The following FAM204A variants were observed in gnomAD, a reference collection of about 807,000 sequenced individuals.
FAM204A encodes family with sequence similarity 204 member A, also known as protein FAM204A.
Under a neutral mutation model 35.4 loss-of-function variants are expected in FAM204A, and 16 were observed. The ratio of observed to expected loss-of-function variants is 0.45; its 90% CI spans 0.31 to 0.69. FAM204A has a LOEUF of 0.69. FAM204A is among the 30% of genes least tolerant of loss of function. The pLI, the probability that FAM204A is intolerant of heterozygous loss-of-function variation, is 0.07. For missense variants in FAM204A, 240 were observed against 265.7 expected (o/e 0.90, Z 0.67); for synonymous variants, 76 against 86.9 (o/e 0.88, Z 0.70).
intron 7 of FAM204A, among the ~76,000 whole-genome samples, chr10:118,312,400 T>C (rs1178810602): frequency 6.6e-6 from 1 of 152,170 alleles, no homozygotes; most frequent in East Asian, 1.9e-4. Context: ...TAGTAAGGCA[T>C]GGCAGGAGGT....
At position 118,305,332 on chromosome 10, in the gene FAM204A, G is replaced by A. The variant is rs1455013122; in HGVS notation, c.*5525C>T. On this transcript the variant is annotated 3_prime_UTR_variant, in exon 9 of 9. Transcript: ENST00000369183. ...TGTGGCCCACCCAAGCTAAAATAAA[G>A]GACACGTTAATGCAGTCTAAGAAAA... The A allele has an allele frequency of 6.6e-6, 1 of 152,188 alleles. No individual in the cohort carries two copies. The highest frequency in any genetic ancestry group is 1.5e-5 in the Non-Finnish European group (1 of 68,036). The allele number at this position is 152,188 out of a possible 1,614,324, so 9.4% of individuals were successfully genotyped here.
chr10:118,335,452 T>C, intron 4 of FAM204A, 26 bp from the exon 5 acceptor site: 2 of 1,599,204 alleles, frequency 1.3e-6, no homozygotes, highest in Non-Finnish European at 1.7e-6. Context: ...AAAGTGTCAA[T>C]ACCTAACTTC....
chr10:118,313,244 T>C (rs1407307514), intron 7 of FAM204A, among the ~76,000 whole-genome samples: 1 of 152,146 alleles, frequency 6.6e-6, no homozygotes, highest in Admixed American at 6.5e-5. Flanking sequence ...ACTAGCTAAC[T>C]TCTATTTCTT....
intron 7 of FAM204A, among the ~76,000 whole-genome samples, chr10:118,312,518 C>T (rs578064549): frequency 1.3e-5 from 2 of 152,218 alleles, no homozygotes; most frequent in Admixed American, 1.3e-4. Flanking sequence ...AGGATGAAAT[C>T]GACAAGTAGT....
intron 7 of FAM204A, among the ~76,000 whole-genome samples, chr10:118,320,862 G>A (rs1451737830): frequency 6.7e-6 from 1 of 149,972 alleles, no homozygotes; most frequent in African/African-American, 2.4e-5. Context: ...CACACTAACA[G>A]TCTTATTTTG....
At chr10:118,342,083 G>A (rs1010109820) in intron 1 of FAM204A, 156 bp from the exon 2 acceptor site, 1 of 152,374 alleles carries the variant, frequency 6.6e-6, no homozygotes, top group Non-Finnish European at 1.5e-5. Context: ...GGAAGGCTGA[G>A]GGCGGCCCCG....
In FAM204A at chr10:118,310,594, C is replaced by A; in HGVS notation, c.*263G>T. ...ATTTTATACCAAGGGTCCATCCATA[C>A]AAATAAACAAAATCCTATCCTCTTC... On this transcript the variant is annotated 3_prime_UTR_variant, in exon 9 of 9. Coordinates refer to ENST00000369183, the MANE Select transcript of FAM204A (RefSeq NM_022063.3). 2.4e-6 allele frequency: 1 copy of A among 412,272 alleles called. No individual in the cohort carries two copies. The highest frequency in any genetic ancestry group is 4.2e-6 in the Non-Finnish European group (1 of 236,060). 25.5% of individuals were successfully genotyped at this position (412,272 alleles called of 1,614,324 possible).
rs1845775055 is a variant in FAM204A at position 118,298,664 on chromosome 10, C to T, written c.*12193G>A. The T allele has an allele frequency of 6.6e-6, 1 of 152,178 alleles. No individual in the cohort carries two copies. Among genetic ancestry groups the T allele is most frequent in the African/African-American group, 2.4e-5 (1 of 41,438 alleles). 9.4% of individuals were successfully genotyped at this position (152,178 alleles called of 1,614,324 possible). ...GTCGTAGCAGAGGACAGACATTTTA[C>T]AATGTACAGAGATTATTGTTACGTC... On this transcript the variant is annotated 3_prime_UTR_variant, in exon 9 of 9. Transcript: ENST00000369183.
chr10:118,313,532 C>A (rs1380892647), intron 7 of FAM204A, among the ~76,000 whole-genome samples: 1 of 152,206 alleles, frequency 6.6e-6, no homozygotes, highest in African/African-American at 2.4e-5. Context: ...CTCTCTTCTG[C>A]TGTAAATCAT....
intron 7 of FAM204A, among the ~76,000 whole-genome samples, chr10:118,325,187 A>G (rs1218443751): frequency 6.6e-6 from 1 of 152,174 alleles, no homozygotes; most frequent in Non-Finnish European, 1.5e-5. Flanking sequence ...AGACAAAACG[A>G]AAAACGCAAA....
intron 2 of FAM204A, among the ~76,000 whole-genome samples, chr10:118,337,076 C>T (rs1846400415): frequency 6.6e-6 from 1 of 152,046 alleles, no homozygotes; most frequent in African/African-American, 2.4e-5. Context: ...AGTAACAATA[C>T]TATATTTGGG....
At chr10:118,327,608 G>A (rs1408386681) in intron 6 of FAM204A, among the ~76,000 whole-genome samples, 1 of 152,254 alleles carries the variant, frequency 6.6e-6, no homozygotes, top group East Asian at 1.9e-4. Flanking sequence ...CTCTTCTCCT[G>A]ATGGTCCAAA....
chr10:118,306,517 A>G lies in FAM204A; in HGVS notation c.*4340T>C, dbSNP rs773460294. The G allele has an allele frequency of 2.9e-4, 44 of 152,268 alleles. No homozygotes were observed. Among genetic ancestry groups the G allele is most frequent in the Non-Finnish European group, 3.8e-4 (26 of 68,046 alleles). The allele number at this position is 152,268 out of a possible 1,614,324, so 9.4% of individuals were successfully genotyped here. On this transcript the variant is annotated 3_prime_UTR_variant, in exon 9 of 9. Transcript: ENST00000369183. ...ATTCCTCAGCTAATTCTTGATTTAC[A>G]TGCACATCTAAAAACATAGCATTCT... is the stretch of plus-strand genomic sequence containing the variant.
intron 2 of FAM204A, among the ~76,000 whole-genome samples, 155 bp from the exon 3 acceptor site, chr10:118,336,578 AC>A (rs1274335608): frequency 6.6e-6 from 1 of 152,126 alleles, no homozygotes; most frequent in Non-Finnish European, 1.5e-5. Context: ...CATAGAATGA[AC>A]CTGTTATAAA....
Position 118,307,342 on chromosome 10 carries a change from A to C in FAM204A, c.*3515T>G, listed in dbSNP as rs118134969. On this transcript the variant is annotated 3_prime_UTR_variant, in exon 9 of 9. Transcript: ENST00000369183. ...AAAGTCAGAGCTAAGACTTTAGTAG[A>C]GTGTAAATTTTAAGCCAATGAATAA... 2.6e-5 allele frequency: 4 copies of C among 152,360 alleles called. No individual in the cohort carries two copies. Among genetic ancestry groups the C allele is most frequent in the Non-Finnish European group, 4.4e-5 (3 of 68,030 alleles). The allele number at this position is 152,360 out of a possible 1,614,324, so 9.4% of individuals were successfully genotyped here. A position where few individuals can be genotyped will look rare whatever the true frequency, so the allele number is the denominator to read the frequency against.
In FAM204A at chr10:118,301,582, T is replaced by C. The variant is rs1016161716; in HGVS notation, c.*9275A>G. ...CAAGGATGTTATATACAAACATCCT[T>C]GCAAAGATAGTTTGGAACAAAAGGG... On this transcript the variant is annotated 3_prime_UTR_variant, in exon 9 of 9. Coordinates refer to ENST00000369183, the MANE Select transcript of FAM204A (RefSeq NM_022063.3). 2.6e-5 allele frequency: 4 copies of C among 152,184 alleles called. No homozygotes were observed. The highest frequency in any genetic ancestry group is 5.9e-5 in the Non-Finnish European group (4 of 68,030). The allele number at this position is 152,184 out of a possible 1,614,324, so 9.4% of individuals were successfully genotyped here.
In FAM204A at chr10:118,310,628, T is replaced by C; in HGVS notation, c.*229A>G. ...AAAATCCTATCCTCTTCTTTCTATA[T>C]TTTTTTTCTTACATTTCTTATACAA... On this transcript the variant is annotated 3_prime_UTR_variant, in exon 9 of 9. Transcript: ENST00000369183. 1 of 480,914 alleles carries C rather than the reference T, an allele frequency of 2.1e-6. No homozygotes were observed. The highest frequency in any genetic ancestry group is 3.6e-6 in the Non-Finnish European group (1 of 278,120). 29.8% of individuals were successfully genotyped at this position (480,914 alleles called of 1,614,324 possible).
At chr10:118,312,613 G>A (rs958376985) in intron 7 of FAM204A, among the ~76,000 whole-genome samples, 6 of 152,100 alleles carry the variant, frequency 3.9e-5, no homozygotes, top group Admixed American at 2.0e-4. Context: ...TATAAAGAAC[G>A]TAGACAAATG....
At chr10:118,323,066 G>A (rs931864136) in intron 7 of FAM204A, among the ~76,000 whole-genome samples, 2 of 152,062 alleles carry the variant, frequency 1.3e-5, no homozygotes, top group African/African-American at 4.8e-5. Flanking sequence ...GAAACTGACT[G>A]ACTTGGGGGA....
Sources: gnomAD v4.1 joint callset for allele counts (sites outside exome capture counted in the v4.1 genomes callset) on GRCh38, gnomAD v4.1.1 for gene constraint, MANE v1.5 for transcripts, NCBI Gene and HGNC (gene_info 2026-07-23, HGNC 2026-07-21) for gene names.